The following MEPE variants were observed in gnomAD, a reference collection of about 807,000 sequenced individuals.
MEPE encodes the protein matrix, extracellular phosphoglycoprotein with ASARM motif (bone).
A neutral mutation model predicts 7.3 loss-of-function variants in MEPE; 7 were observed. That is an observed-to-expected ratio of 0.95 (90% CI 0.54 to 1.79). The LOEUF is 1.79. MEPE is among the 40% of genes most tolerant of loss of function. The pLI is 0.00. For synonymous variants in MEPE, 214 were observed against 213.1 expected (o/e 1.00, Z -0.04); for missense variants, 623 against 628.2 (o/e 0.99, Z 0.09).
At chr4:87,839,926 G>A (rs1303931949) in intron 3 of MEPE, 1 of 1,536,312 alleles carries the variant, frequency 6.5e-7, no homozygotes, top group East Asian at 2.4e-5. Context: ...TCCCTCCCCA[G>A]GCTCCTCAAG....
At position 87,845,040 on chromosome 4, in the gene MEPE, C is replaced by T. The variant is rs1373578716; in HGVS notation, c.172C>T (p.Leu58=). 3 of 1,610,698 alleles carry T rather than the reference C, an allele frequency of 1.9e-6. No individual in the cohort carries two copies. Among genetic ancestry groups the T allele is most frequent in the African/African-American group, 2.7e-5 (2 of 74,830 alleles). ...TTTGGGCAAGAGAATAAATCAAGAG[C>T]TATCATCTAAAGAAAATATTGTCCA... The part of the protein sequence containing the change: ...HHLGKRINQE[L]SSKENIVQER... The change falls in exon 4 of 4, where the codon CTA becomes TTA. Residue 58 remains leucine (L), a synonymous_variant. Transcript: ENST00000361056.
At chr4:87,823,387 G>C (rs1722389638) in intron 1 of MEPE, among the ~76,000 whole-genome samples, 1 of 152,182 alleles carries the variant, frequency 6.6e-6, no homozygotes, top group South Asian at 2.1e-4. Context: ...CAGGATAGCA[G>C]AGGGGACCCA....
At chr4:87,838,594 T>C (rs1722888269) in intron 2 of MEPE, 38 bp from the exon 3 acceptor site, 1 of 1,583,802 alleles carries the variant, frequency 6.3e-7, no homozygotes, top group Non-Finnish European at 8.7e-7. Flanking sequence ...AAATAGAATG[T>C]TCTAGTGGGT....
At chr4:87,834,898 A>T (rs1012291373) in intron 2 of MEPE, 130 bp downstream of exon 2, 43 of 722,364 alleles carry the variant, frequency 6.0e-5, no homozygotes, top group Admixed American at 2.8e-4. Context: ...AACCAAGCAA[A>T]CAGAAAGCAT....
chr4:87,828,088 C>T (rs1211595960), upstream of MEPE, among the ~76,000 whole-genome samples: 2 of 152,152 alleles, frequency 1.3e-5, no homozygotes, highest in African/African-American at 2.4e-5. Context: ...TCCCAGCACA[C>T]TCATTCTGGA....
upstream of MEPE, chr4:87,832,966 T>G (rs1024858168): frequency 1.4e-4 from 22 of 152,188 alleles, no homozygotes; most frequent in African/African-American, 5.3e-4. Flanking sequence ...CCCAGAGACT[T>G]CTAATCCTGC....
At chr4:87,834,628 G>C in intron 1 of MEPE, 75 bp from the exon 2 acceptor site, 1 of 1,117,362 alleles carries the variant, frequency 8.9e-7, no homozygotes, top group Non-Finnish European at 1.3e-6. Context: ...ATATTCCTAT[G>C]TGTTTTATCT....
At chr4:87,843,850 C>T (rs1723105049) in intron 3 of MEPE, among the ~76,000 whole-genome samples, 1 of 152,176 alleles carries the variant, frequency 6.6e-6, no homozygotes, top group Admixed American at 6.5e-5. Flanking sequence ...ACCAAATGGA[C>T]AAACATGGCT....
In MEPE at chr4:87,845,085, TC is replaced by T. The variant is rs1723162274; in HGVS notation, c.220del (p.Leu74PhefsTer23). Reference protein sequence around the residue: ...NIVQERKKDLSLSEASENKGS... With the variant: ...NIVQERKKDLXLSEASENKGS... ...TGTCCAGGAAAGAAAGAAAGATTTG[TC>T]CCTTTCTGAAGCCAGTGAGAATAAG... On this transcript the variant is annotated frameshift_variant, in exon 4 of 4. Coordinates refer to ENST00000361056, the MANE Select transcript of MEPE (RefSeq NM_020203.6). LOFTEE classifies it low-confidence loss of function (END_TRUNC). The T allele has an allele frequency of 6.2e-7, 1 of 1,613,580 alleles. No individual in the cohort carries two copies. The highest frequency in any genetic ancestry group is 1.7e-5 in the Admixed American group (1 of 59,934).
At chr4:87,837,656 T>C (rs1446383081) in intron 2 of MEPE, 2 of 152,226 alleles carry the variant, frequency 1.3e-5, no homozygotes, top group Non-Finnish European at 2.9e-5. Flanking sequence ...CTCTTTTATA[T>C]GATTGATCCA....
In MEPE at chr4:87,846,452, C is replaced by A; in HGVS notation, c.*6C>A. The stretch of plus-strand genomic sequence containing the variant: ...GTGAGAGCGATGGTGACTAGTCCAC[C>A]AGGAGTTCCCAGCGGGGTGACAGTC... On this transcript the variant is annotated 3_prime_UTR_variant, in exon 4 of 4. Coordinates refer to ENST00000361056, the MANE Select transcript of MEPE (RefSeq NM_020203.6). 6.2e-7 allele frequency: 1 copy of A among 1,606,288 alleles called. No homozygotes were observed. The highest frequency in any genetic ancestry group is 2.2e-5 in the East Asian group (1 of 44,800).
At chr4:87,829,856 A>G (rs3903347), upstream of MEPE, among the ~76,000 whole-genome samples, 33,740 of 132,860 alleles carry the variant, frequency 0.25, 4,301 homozygotes, top group Non-Finnish European at 0.28. Context: ...TTTCTATATC[A>G]CCCAAATCCT....
Position 87,834,721 on chromosome 4 carries a change from G to A in MEPE, c.7G>A (p.Val3Ile), listed in dbSNP as rs1328113438. 1.2e-6 allele frequency: 2 copies of A among 1,612,968 alleles called. No individual in the cohort carries two copies. Among genetic ancestry groups the A allele is most frequent in the Admixed American group, 1.7e-5 (1 of 59,694 alleles). Residue 3 changes from valine to isoleucine, a missense_variant, in exon 2 of 4, where the codon GTT (valine) becomes ATT (isoleucine). Physicochemically the swap from Val to Ile is conservative, Grantham distance 29 (BLOSUM62 3). Transcript: ENST00000361056. MR[V>I]FCVGLLLFSV... ...TTTACAGAGATTCTCAAAGATGCGA[G>A]TTTTCTGTGTGGGACTACTCCTTTT... is the stretch of plus-strand genomic sequence containing the variant.
intron 1 of MEPE, among the ~76,000 whole-genome samples, chr4:87,825,769 T>C (rs1722448512): frequency 6.6e-6 from 1 of 152,216 alleles, no homozygotes; most frequent in Non-Finnish European, 1.5e-5. Flanking sequence ...ATGTGTGTCA[T>C]GGTGATTTAC....
At chr4:87,829,739 C>T (rs1186660032), upstream of MEPE, among the ~76,000 whole-genome samples, 1 of 151,942 alleles carries the variant, frequency 6.6e-6, no homozygotes, top group Non-Finnish European at 1.5e-5. Context: ...GTGGATTTCA[C>T]TTGTCTTCCA....
chr4:87,822,856 C>G (rs1043733819), intron 1 of MEPE, among the ~76,000 whole-genome samples: 1 of 152,190 alleles, frequency 6.6e-6, no homozygotes, highest in African/African-American at 2.4e-5. Flanking sequence ...CACCAGCTTG[C>G]TTATCCTTTC....
At position 87,845,339 on chromosome 4, in the gene MEPE, A is replaced by G. The variant is rs1723179006; in HGVS notation, c.471A>G (p.Pro157=). Reference sequence around the variant, plus strand: ...ATAACATGCAACATATAATGGGGCCAGTGACTGCGATTAAACTCCTGGGGG... The same window carrying G: ...ATAACATGCAACATATAATGGGGCCGGTGACTGCGATTAAACTCCTGGGGG... ...IRNNMQHIMG[P]VTAIKLLGEE... is the part of the protein sequence containing the mutation. The change falls in exon 4 of 4, where the codon CCA becomes CCG. Residue 157 remains proline, a synonymous_variant. Transcript: ENST00000361056. The G allele has an allele frequency of 1.2e-6, 2 of 1,613,942 alleles. No homozygotes were observed. Among genetic ancestry groups the G allele is most frequent in the African/African-American group, 1.3e-5 (1 of 74,914 alleles).
chr4:87,832,388 G>T (rs1468552901), upstream of MEPE, among the ~76,000 whole-genome samples: 3 of 152,144 alleles, frequency 2.0e-5, no homozygotes, highest in Non-Finnish European at 2.9e-5. Context: ...CACCCCCAAT[G>T]CTTGTTACTC....
upstream of MEPE, among the ~76,000 whole-genome samples, chr4:87,829,362 T>A (rs926720511): frequency 6.9e-6 from 1 of 144,204 alleles, no homozygotes; most frequent in Admixed American, 6.9e-5. Context: ...TAAGCCAGTT[T>A]TTTTCTCTTA....
Sources: allele counts gnomAD v4.1 joint callset (sites outside exome capture counted in the v4.1 genomes callset), GRCh38; gene constraint gnomAD v4.1.1; transcripts MANE v1.5; gene names NCBI Gene and HGNC (gene_info 2026-07-23, HGNC 2026-07-21).